Variants in MLPH observed in about 807,000 individuals in gnomAD.
MLPH encodes the protein exophilin-3.
MLPH carries 51 observed loss-of-function variants against 72.1 expected under a neutral mutation model. The ratio of observed to expected loss-of-function variants is 0.71; its 90% CI spans 0.56 to 0.89. The LOEUF is 0.89. MLPH is among the 40% of genes least tolerant of loss of function. MLPH has a pLI of 0.00. For missense variants in MLPH, 743 were observed against 759.9 expected (o/e 0.98, Z 0.26); for synonymous variants, 301 against 310.1 (o/e 0.97, Z 0.31).
intron 9 of MLPH, among the ~76,000 whole-genome samples, 198 bp from the exon 10 acceptor site, chr2:237,540,150 C>T (rs1001379183): frequency 3.3e-5 from 5 of 152,224 alleles, no homozygotes; most frequent in Admixed American, 1.3e-4. Flanking sequence ...AACCCCCAGC[C>T]CTGCAGAACC....
At chr2:237,526,556 A>G (rs949105462) in intron 7 of MLPH, among the ~76,000 whole-genome samples, 1 of 152,194 alleles carries the variant, frequency 6.6e-6, no homozygotes, top group Non-Finnish European at 1.5e-5. Context: ...ACTTTGGCCA[A>G]GCCACAGGGT....
At chr2:237,534,812 T>C (rs116156352) in intron 9 of MLPH, among the ~76,000 whole-genome samples, 165 bp downstream of exon 9, 95 of 152,290 alleles carry the variant, frequency 6.2e-4, no homozygotes, top group African/African-American at 2.2e-3. Flanking sequence ...TCCCACCACA[T>C]AGCCTGAGTG....
Position 237,510,851 on chromosome 2 carries a change from C to T in MLPH, c.332+56C>T. ...TGATAGTTTCTGGATCTGGCGTGTC[C>T]CTTCCATGGGGCTAGCTGAAGAAGG... On this transcript the variant is annotated intron_variant, in intron 3 of 15. Coordinates refer to ENST00000264605, the MANE Select transcript of MLPH (RefSeq NM_024101.7). The surrounding 1 kb of genome is among the most constrained non-coding windows in gnomAD (Gnocchi z 4.4). 4 of 1,599,108 alleles carry T rather than the reference C, an allele frequency of 2.5e-6. No homozygotes were observed. Among genetic ancestry groups the T allele is most frequent in the Non-Finnish European group, 3.4e-6 (4 of 1,167,636 alleles).
intron 6 of MLPH, among the ~76,000 whole-genome samples, chr2:237,521,866 A>C (rs2080191775): frequency 7.1e-6 from 1 of 141,028 alleles, no homozygotes; most frequent in African/African-American, 2.9e-5. Context: ...ATAGTGCTGG[A>C]GTGGAGCAGG....
At chr2:237,503,453 T>C (rs1463042620) in intron 2 of MLPH, among the ~76,000 whole-genome samples, 1 of 152,126 alleles carries the variant, frequency 6.6e-6, no homozygotes, top group Non-Finnish European at 1.5e-5. Context: ...TCGTGGTAAT[T>C]CCCGACACGC....
intron 2 of MLPH, among the ~76,000 whole-genome samples, chr2:237,504,665 C>T (rs2079726919): frequency 6.6e-6 from 1 of 152,222 alleles, no homozygotes; most frequent in Admixed American, 6.5e-5. Flanking sequence ...CGGTTCTGTC[C>T]ACCATGCTGG....
At position 237,553,627 on chromosome 2, in the gene MLPH, T is replaced by G. The variant is rs968622928; in HGVS notation, c.*35T>G. 2 of 1,614,212 alleles carry G rather than the reference T, an allele frequency of 1.2e-6. No individual in the cohort carries two copies. Among genetic ancestry groups the G allele is most frequent in the Middle Eastern group, 1.7e-4 (1 of 6,046 alleles). ...ACAGAGAGACAGAGCAGCCCTGCAC[T>G]GTTTTCCCTCCACCACAGCCATCCT... On this transcript the variant is annotated 3_prime_UTR_variant, in exon 16 of 16. Coordinates refer to ENST00000264605, the MANE Select transcript of MLPH (RefSeq NM_024101.7).
intron 6 of MLPH, among the ~76,000 whole-genome samples, chr2:237,521,300 C>A (rs6729415): frequency 2.6e-5 from 4 of 151,872 alleles, no homozygotes; most frequent in Non-Finnish European, 4.4e-5. Flanking sequence ...TTGCGGTATC[C>A]ATGATGAGGT....
At position 237,552,588 on chromosome 2, in the gene MLPH, C is replaced by A. The variant is rs577225575; in HGVS notation, c.1776+151C>A. 1.1e-4 allele frequency: 77 copies of A among 688,818 alleles called. No homozygotes were observed. The African/African-American group carries it at 1.2e-3, about 11-fold the overall frequency. The allele number at this position is 688,818 out of a possible 1,614,324, so 42.7% of individuals were successfully genotyped here. A position where few individuals can be genotyped will look rare whatever the true frequency, so the allele number is the denominator to read the frequency against. On this transcript the variant is annotated intron_variant, in intron 15 of 15. Coordinates refer to ENST00000264605, the MANE Select transcript of MLPH (RefSeq NM_024101.7). ...ATCAAAGCAAAAAGTAAAGTAAAATCTTTGCCAACGAGGGCTTGAAAATCT... is the reference window on the plus strand; with the variant it reads ...ATCAAAGCAAAAAGTAAAGTAAAATATTTGCCAACGAGGGCTTGAAAATCT...
rs147497101 is a variant in MLPH at position 237,540,926 on chromosome 2, C to T, written c.1415C>T (p.Thr472Met). 231 of 1,609,802 alleles carry T rather than the reference C, an allele frequency of 1.4e-4. 1 individual carries two copies. In the East Asian group the frequency reaches 1.8e-3, roughly 12 times the overall value. Reference protein sequence around the residue: ...LSELEDRVAVTASEVQQAESE... With the variant: ...LSELEDRVAVMASEVQQAESE... ...GAGCTGGAGGACAGAGTGGCAGTGA[C>T]GGCCTCAGAAGTCCAGCAGGCAGAG... The change falls in exon 11 of 16, where the codon ACG (threonine) becomes ATG (methionine). Residue 472 changes from threonine to methionine, a missense_variant. Transcript: ENST00000264605.
intron 2 of MLPH, among the ~76,000 whole-genome samples, chr2:237,507,009 A>G (rs998386456): frequency 5.3e-5 from 8 of 150,934 alleles, no homozygotes; most frequent in African/African-American, 2.4e-5. Flanking sequence ...TTGTTACAAC[A>G]TGAAAACCCG....
chr2:237,516,767 AGAGGGAGAG>A (rs1559350025), intron 4 of MLPH, among the ~76,000 whole-genome samples: 4 of 151,070 alleles, frequency 2.6e-5, no homozygotes, highest in Non-Finnish European at 5.9e-5. Flanking sequence ...GGATTGTGGG[AGAGGGAGAG>A]ATGAATGGAT....
At chr2:237,495,498 C>T (rs574581535) in intron 2 of MLPH, among the ~76,000 whole-genome samples, 93 of 152,304 alleles carry the variant, frequency 6.1e-4, no homozygotes, top group African/African-American at 2.2e-3. Flanking sequence ...GGAGACAAAG[C>T]ACCAAGAAAG....
chr2:237,513,038 C>A (rs1292248370), intron 4 of MLPH, among the ~76,000 whole-genome samples: 1 of 151,528 alleles, frequency 6.6e-6, no homozygotes, highest in Non-Finnish European at 1.5e-5. Context: ...TGCTGGACAC[C>A]TGTAACTACA....
intron 8 of MLPH, among the ~76,000 whole-genome samples, chr2:237,531,060 T>C (rs186063369): frequency 2.0e-5 from 3 of 152,360 alleles, no homozygotes; most frequent in African/African-American, 7.2e-5. Flanking sequence ...GCAAGTATCC[T>C]GTGTCATGCG....
rs199994874 is a variant in MLPH at position 237,549,249 on chromosome 2, G to A, written c.1646G>A (p.Arg549Lys). ...KAMAVPYLLR[R>K]KFSNSLKSQG... The stretch of plus-strand genomic sequence containing the variant: ...ATGGCTGTGCCCTATCTTCTGAGAA[G>A]AAAGTTCAGTAATTCCCTGAAAAGT... The change falls in exon 14 of 16, where the codon AGA (arginine) becomes AAA (lysine). Residue 549 changes from arginine (R) to lysine (K), a missense_variant. By Grantham distance (26) the Arg-to-Lys change is conservative. Transcript: ENST00000264605. 3.5e-4 allele frequency: 566 copies of A among 1,614,158 alleles called. 1 individual carries two copies. Among genetic ancestry groups the A allele is most frequent in the Non-Finnish European group, 4.6e-4 (543 of 1,180,008 alleles).
Position 237,512,433 on chromosome 2 carries a change from G to A in MLPH, c.445+1332G>A, listed in dbSNP as rs2079924974. 6.6e-6 allele frequency among the ~76,000 whole-genome samples: 1 copy of A among 152,140 alleles called. No individual in the cohort carries two copies. Among genetic ancestry groups the A allele is most frequent in the Admixed American group, 6.5e-5 (1 of 15,282 alleles). ...TGCACTTTTTGGGTGGTGGGGTGGG[G>A]ATGGGGGCAGGTATGATCAATCATC... On this transcript the variant is annotated intron_variant, in intron 4 of 15. Transcript: ENST00000264605. The surrounding 1 kb of genome is among the most constrained non-coding windows in gnomAD (Gnocchi z 5.5).
chr2:237,510,519 C>T lies in MLPH; in HGVS notation c.111-55C>T. The T allele has an allele frequency of 6.6e-7, 1 of 1,520,086 alleles. No individual in the cohort carries two copies. Among genetic ancestry groups the T allele is most frequent in the Non-Finnish European group, 9.1e-7 (1 of 1,101,604 alleles). The allele number at this position is 1,520,086 out of a possible 1,614,324, so 94.2% of individuals were successfully genotyped here. On this transcript the variant is annotated intron_variant, in intron 2 of 15. Coordinates refer to ENST00000264605, the MANE Select transcript of MLPH (RefSeq NM_024101.7). The surrounding 1 kb of genome is among the most constrained non-coding windows in gnomAD (Gnocchi z 4.4). ...TGTATGTACGTGTACACACTTAAAG[C>T]CTGTTGCAAAAACAAGATGCCCAAT...
upstream of MLPH, chr2:237,486,542 G>A (rs2079322294): frequency 6.6e-6 from 1 of 152,246 alleles, no homozygotes; most frequent in Admixed American, 6.5e-5. Flanking sequence ...GCAGCGGCGC[G>A]GAGCTCCCAG....
Sources: gnomAD v4.1 joint callset for allele counts (sites outside exome capture counted in the v4.1 genomes callset) on GRCh38, gnomAD v4.1.1 for gene constraint, Gnocchi (gnomAD v3.1) non-coding constraint, MANE v1.5 for transcripts, NCBI Gene and HGNC (gene_info 2026-07-23, HGNC 2026-07-21) for gene names.